ZKSCAN2: variants seen among roughly 807,000 people sequenced by gnomAD.
The protein encoded by ZKSCAN2 is zinc finger protein with KRAB and SCAN domains 2.
Under a neutral mutation model 90.5 loss-of-function variants are expected in ZKSCAN2, and 38 were observed. The ratio of observed to expected loss-of-function variants is 0.42; its 90% CI spans 0.32 to 0.55. ZKSCAN2 has a LOEUF of 0.55. Among genes scored for constraint, ZKSCAN2 ranks in the 20% least tolerant of loss-of-function variants. The probability of loss-of-function intolerance (pLI) is 0.11; values close to 1 mark genes in which losing one functional copy is unlikely to be tolerated. For synonymous variants in ZKSCAN2, 429 were observed against 421.6 expected, an observed-to-expected ratio of 1.02 and a Z score of -0.22; for missense variants, 1,167 against 1,202.6, an observed-to-expected ratio of 0.97 and a Z score of 0.44.
intron 4 of ZKSCAN2, among the ~76,000 whole-genome samples, chr16:25,248,359 T>C (rs1480109487): frequency 1.6e-5 from 2 of 124,600 alleles, no homozygotes; most frequent in East Asian, 4.7e-4. Flanking sequence ...AAAAAATCTA[T>C]GGAATAGAAA....
chr16:25,253,939 C>A (rs1036309048), intron 2 of ZKSCAN2, among the ~76,000 whole-genome samples: 1 of 152,144 alleles, frequency 6.6e-6, no homozygotes, highest in Non-Finnish European at 1.5e-5. Flanking sequence ...ACCTGGGAGG[C>A]GGAGGTTGCT....
At position 25,244,245 on chromosome 16, in the gene ZKSCAN2, A is replaced by C. The variant is rs758094845; in HGVS notation, c.1521T>G (p.Thr507=). The C allele has an allele frequency of 3.7e-6, 6 of 1,613,766 alleles. No individual in the cohort carries two copies. Among genetic ancestry groups the C allele is most frequent in the Non-Finnish European group, 5.1e-6 (6 of 1,179,838 alleles). ...GVHWGYEETK[T]FLDILRETRF... is the part of the protein sequence containing the mutation. ...GAGTCTCACGGAGGATATCAAGAAA[A>C]GTCTTGGTTTCTTCATAGCCCCAGT... The change falls in exon 6 of 7, where the codon ACT becomes ACG. Residue 507 remains threonine, a synonymous_variant. Coordinates refer to ENST00000328086, the MANE Select transcript of ZKSCAN2 (RefSeq NM_001012981.5).
Position 25,251,948 on chromosome 16 carries a change from C to T in ZKSCAN2, c.766G>A (p.Asp256Asn), listed in dbSNP as rs755342489. 6.2e-7 allele frequency: 1 copy of T among 1,613,972 alleles called. No individual in the cohort carries two copies. Among genetic ancestry groups the T allele is most frequent in the South Asian group, 1.1e-5 (1 of 91,074 alleles). ...TTCCCAACATTCTCCTTCCTGAAAT[C>T]CCGGTAGAGGTCCCTTTGGGCAGGA... is the stretch of plus-strand genomic sequence containing the variant. Reference protein sequence around the residue: ...QIPAQRDLYRDFRKENVGNVV... With the variant: ...QIPAQRDLYRNFRKENVGNVV... The change falls in exon 4 of 7, where the codon GAT becomes AAT. Residue 256 changes from aspartate to asparagine, a missense_variant. Coordinates refer to ENST00000328086, the MANE Select transcript of ZKSCAN2 (RefSeq NM_001012981.5).
intron 6 of ZKSCAN2, among the ~76,000 whole-genome samples, chr16:25,241,564 T>A (rs1271613381): frequency 1.3e-5 from 2 of 152,252 alleles, no homozygotes; most frequent in Non-Finnish European, 1.5e-5. Context: ...CAATCTCATT[T>A]CATTTCCACG....
chr16:25,254,672 G>T (rs143043551), intron 2 of ZKSCAN2, among the ~76,000 whole-genome samples: 3,622 of 152,158 alleles, frequency 0.024, 145 homozygotes, highest in African/African-American at 0.082. Flanking sequence ...CAAGAGATCC[G>T]CCTGCCTCGG....
In ZKSCAN2 at chr16:25,257,489, A is replaced by AG; in HGVS notation, c.-363dup. On this transcript the variant is annotated 5_prime_UTR_variant, in exon 1 of 7. Transcript: ENST00000328086. ...GGCGGAGGCGGACAGCCGGGCCGGGAGGGGGTGTGTCCGCTACTCCCGGGT... is the reference window on the plus strand; with the variant it reads ...GGCGGAGGCGGACAGCCGGGCCGGGAGGGGGGTGTGTCCGCTACTCCCGGGT... 1 of 1,006,084 alleles carries AG rather than the reference A, an allele frequency of 9.9e-7. No individual in the cohort carries two copies. Among genetic ancestry groups the AG allele is most frequent in the Non-Finnish European group, 1.2e-6 (1 of 844,412 alleles). The allele number at this position is 1,006,084 out of a possible 1,614,324, so 62.3% of individuals were successfully genotyped here.
chr16:25,254,295 C>T (rs1963062821), intron 2 of ZKSCAN2, among the ~76,000 whole-genome samples: 1 of 152,218 alleles, frequency 6.6e-6, no homozygotes, highest in Admixed American at 6.5e-5. Flanking sequence ...GATGAAGCCA[C>T]ACTTCAGGAG....
At chr16:25,247,424 T>C (rs781059011) in intron 4 of ZKSCAN2, 34 bp from the exon 5 acceptor site, 29 of 1,554,300 alleles carry the variant, frequency 1.9e-5, no homozygotes, top group African/African-American at 6.8e-5. Flanking sequence ...ATGGTAGACA[T>C]AGAAGTCATT....
Position 25,246,665 on chromosome 16 carries a change from C to G in ZKSCAN2, c.1489+42G>C, listed in dbSNP as rs754234082. The stretch of plus-strand genomic sequence containing the variant: ...GTCTACTCCTTTTTCCACAAGATCA[C>G]ACATCTGTTTTCCTACCAGAGAAAC... On this transcript the variant is annotated intron_variant, in intron 5 of 6. Transcript: ENST00000328086. The G allele has an allele frequency of 2.5e-6, 4 of 1,607,960 alleles. No homozygotes were observed. In the African/African-American group the frequency reaches 5.3e-5, roughly 21 times the overall value.
Position 25,257,390 on chromosome 16 carries a change from C to A in ZKSCAN2, c.-263G>T. On this transcript the variant is annotated 5_prime_UTR_variant, in exon 1 of 7. Coordinates refer to ENST00000328086, the MANE Select transcript of ZKSCAN2 (RefSeq NM_001012981.5). ...CGCAATGTGGTTTTCCAGAGTGCAT[C>A]CCTCTTAGTGCAAAGTCGGAAACCG... 1 of 1,206,818 alleles carries A rather than the reference C, an allele frequency of 8.3e-7. No individual in the cohort carries two copies. Among genetic ancestry groups the A allele is most frequent in the South Asian group, 3.4e-5 (1 of 29,408 alleles). 74.8% of individuals were successfully genotyped at this position (1,206,818 alleles called of 1,614,324 possible).
At chr16:25,242,764 C>G (rs181468590) in intron 6 of ZKSCAN2, among the ~76,000 whole-genome samples, 4 of 152,236 alleles carry the variant, frequency 2.6e-5, no homozygotes, top group Admixed American at 2.6e-4. Context: ...AAGATGAGCT[C>G]AGATCAAAAA....
At position 25,236,285 on chromosome 16, in the gene ZKSCAN2, G is replaced by A. The variant is rs895590552; in HGVS notation, c.*3531C>T. On this transcript the variant is annotated 3_prime_UTR_variant, in exon 7 of 7. Transcript: ENST00000328086. The stretch of plus-strand genomic sequence containing the variant: ...TTCAGCCTACCTGCCACTGGTTATC[G>A]AGGTGCTTGGGGGGTGCCTGCTGTG... 2.6e-5 allele frequency: 4 copies of A among 152,166 alleles called. No individual in the cohort carries two copies. The highest frequency in any genetic ancestry group is 1.3e-4 in the Admixed American group (2 of 15,272). The allele number at this position is 152,166 out of a possible 1,614,324, so 9.4% of individuals were successfully genotyped here.
Position 25,257,518 on chromosome 16 carries a change from G to T in ZKSCAN2, c.-391C>A. Reference sequence around the variant, plus strand: ...GGTGTGTCCGCTACTCCCGGGTCGGGCGCGGAGAGGCGAGTCCCCGAGTGG... The same window carrying T: ...GGTGTGTCCGCTACTCCCGGGTCGGTCGCGGAGAGGCGAGTCCCCGAGTGG... On this transcript the variant is annotated 5_prime_UTR_variant, in exon 1 of 7. Coordinates refer to ENST00000328086, the MANE Select transcript of ZKSCAN2 (RefSeq NM_001012981.5). 1 of 991,680 alleles carries T rather than the reference G, an allele frequency of 1.0e-6. No homozygotes were observed. The highest frequency in any genetic ancestry group is 1.2e-6 in the Non-Finnish European group (1 of 834,504). 61.4% of individuals were successfully genotyped at this position (991,680 alleles called of 1,614,324 possible). A position where few individuals can be genotyped will look rare whatever the true frequency, so the allele number is the denominator to read the frequency against.
intron 4 of ZKSCAN2, among the ~76,000 whole-genome samples, chr16:25,248,158 C>T (rs1429854341): frequency 2.6e-5 from 4 of 151,790 alleles, no homozygotes; most frequent in African/African-American, 9.7e-5. Flanking sequence ...GAAGAAAACA[C>T]AGGGGACAAA....
intron 2 of ZKSCAN2, among the ~76,000 whole-genome samples, chr16:25,254,676 GC>G (rs1324817924): frequency 6.6e-5 from 10 of 152,286 alleles, no homozygotes; most frequent in African/African-American, 2.4e-4. Context: ...AGATCCGCCT[GC>G]CTCGGCCTCC....
rs373942547 is a variant in ZKSCAN2, at chr16:25,240,515, G to A, written c.2205C>T (p.Ala735=). Residue 735 remains alanine (A), a synonymous_variant, in exon 7 of 7, where the codon GCC becomes GCT. Coordinates refer to ENST00000328086, the MANE Select transcript of ZKSCAN2 (RefSeq NM_001012981.5). Reference sequence around the variant, plus strand: ...CCACAAAAGGCCTCTGATGCACAACGGCTTTCCCTAAATCTCTAGGCTGAG... The same window carrying A: ...CCACAAAAGGCCTCTGATGCACAACAGCTTTCCCTAAATCTCTAGGCTGAG... ...PMSQPRDLGK[A]VVHQRPFVGK... 6 of 1,613,950 alleles carry A rather than the reference G, an allele frequency of 3.7e-6. No homozygotes were observed. The African/African-American group carries it at 4.0e-5, about 11-fold the overall frequency.
intron 5 of ZKSCAN2, 60 bp downstream of exon 5, chr16:25,246,644 ACTC>A: frequency 6.3e-7 from 1 of 1,584,780 alleles, no homozygotes; most frequent in Middle Eastern, 1.7e-4. Context: ...CTTCTGGTCT[ACTC>A]CTTTTTCCAC....
Position 25,255,192 on chromosome 16 carries a change from G to A in ZKSCAN2, c.586+14C>T. 1.3e-6 allele frequency: 2 copies of A among 1,593,600 alleles called. No individual in the cohort carries two copies. Among genetic ancestry groups the A allele is most frequent in the South Asian group, 1.1e-5 (1 of 88,350 alleles). On this transcript the variant is annotated intron_variant, in intron 2 of 6. Transcript: ENST00000328086. ...AGCCTCTGCACTAGGCGTGCTCCGA[G>A]TCTTCCCTCTTACCATTCTTGGGTA...
rs750064333 is a variant in ZKSCAN2, at chr16:25,253,047, T to C, written c.587-10A>G. ...CAGGGAGAAGGCCGAGCTGTAAGAATAGAAAGAAACGATTAGTAATCTGGG... is the reference window on the plus strand; with the variant it reads ...CAGGGAGAAGGCCGAGCTGTAAGAACAGAAAGAAACGATTAGTAATCTGGG... On this transcript the variant is annotated splice_polypyrimidine_tract_variant and intron_variant, in intron 2 of 6. Coordinates refer to ENST00000328086, the MANE Select transcript of ZKSCAN2 (RefSeq NM_001012981.5). The C allele has an allele frequency of 5.0e-6, 8 of 1,608,250 alleles. No individual in the cohort carries two copies. The highest frequency in any genetic ancestry group is 2.7e-5 in the African/African-American group (2 of 74,812).
Sources: allele counts gnomAD v4.1 joint callset (sites outside exome capture counted in the v4.1 genomes callset), GRCh38; gene constraint gnomAD v4.1.1; transcripts MANE v1.5; gene names NCBI Gene and HGNC (gene_info 2026-07-23, HGNC 2026-07-21).